The following HERC2 variants were observed in gnomAD, a reference collection of about 807,000 sequenced individuals.
The protein encoded by HERC2 is HECT and RLD domain containing E3 ubiquitin protein ligase 2.
Under a neutral mutation model 537.7 loss-of-function variants are expected in HERC2, and 102 were observed. The ratio of observed to expected loss-of-function variants is 0.19; its 90% CI spans 0.16 to 0.22. The LOEUF is 0.22. Among genes scored for constraint, HERC2 ranks in the 10% least tolerant of loss-of-function variants. The pLI, the probability that HERC2 is intolerant of heterozygous loss-of-function variation, is 1.00. For synonymous variants in HERC2, 2,224 were observed against 2,466.2 expected, an observed-to-expected ratio of 0.90 and a Z score of 2.91; for missense variants, 4,236 against 6,198.2, an observed-to-expected ratio of 0.68 and a Z score of 10.63.
chr15:28,320,269 C>T (rs2077195837), intron 2 of HERC2: 1 of 152,272 alleles, frequency 6.6e-6, no homozygotes. Flanking sequence ...CATACACCAC[C>T]ACGCCTGGCT....
chr15:28,240,645 A>G (rs1903006962), intron 23 of HERC2, among the ~76,000 whole-genome samples: 1 of 152,214 alleles, frequency 6.6e-6, no homozygotes, highest in Non-Finnish European at 1.5e-5. Flanking sequence ...AGCAGATTAA[A>G]CCCTAAGAAA....
At chr15:28,232,204 C>G (rs1901935940) in intron 30 of HERC2, among the ~76,000 whole-genome samples, 1 of 152,172 alleles carries the variant, frequency 6.6e-6, no homozygotes, top group East Asian at 1.9e-4. Context: ...GTAATCAATA[C>G]TGGTCAATAA....
At chr15:28,264,902 C>A (rs2075519793) in intron 14 of HERC2, among the ~76,000 whole-genome samples, 1 of 152,136 alleles carries the variant, frequency 6.6e-6, no homozygotes, top group Non-Finnish European at 1.5e-5. Context: ...CAAGGTCTGT[C>A]CCGTCAATGG....
chr15:28,196,707 C>T lies in HERC2; in HGVS notation c.8012-138G>A, dbSNP rs561380062. The T allele has an allele frequency of 1.9e-4, 113 of 595,406 alleles. No individual in the cohort carries two copies. The African/African-American group carries it at 2.0e-3, about 11-fold the overall frequency. 36.9% of individuals were successfully genotyped at this position (595,406 alleles called of 1,614,324 possible). On this transcript the variant is annotated intron_variant, in intron 50 of 92. Coordinates refer to ENST00000261609, the MANE Select transcript of HERC2 (RefSeq NM_004667.6). ...AGAGTCTACCTTTTAGAGATAGGTA[C>T]TAAAATGCTTATGGATGAACTAATA...
chr15:28,249,387 C>G (rs566256255), intron 20 of HERC2, among the ~76,000 whole-genome samples: 3 of 152,294 alleles, frequency 2.0e-5, no homozygotes, highest in East Asian at 3.9e-4. Context: ...AGTTCCAACA[C>G]TGTGATGTGA....
At chr15:28,121,467 A>G (rs1888878719) in intron 85 of HERC2, 38 bp from the exon 86 acceptor site, 2 of 1,478,556 alleles carry the variant, frequency 1.4e-6, no homozygotes, top group Non-Finnish European at 1.9e-6. Flanking sequence ...AGAATCTGAT[A>G]TGGAAAGCAT....
At chr15:28,167,963 C>T (rs1410398488) in intron 67 of HERC2, 136 bp from the exon 68 acceptor site, 10 of 975,280 alleles carry the variant, frequency 1.0e-5, no homozygotes, top group Admixed American at 9.0e-5. Flanking sequence ...ACAGAGGTAA[C>T]ATGGTGCCCA....
At chr15:28,168,308 C>T in intron 67 of HERC2, 99 bp downstream of exon 67, 1 of 1,215,440 alleles carries the variant, frequency 8.2e-7, no homozygotes, top group East Asian at 2.4e-5. Context: ...GCGGGAGGCA[C>T]AGAAACAGCC....
chr15:28,115,366 G>A (rs535613400), intron 89 of HERC2, 63 bp downstream of exon 89: 35 of 1,097,146 alleles, frequency 3.2e-5, no homozygotes, highest in East Asian at 1.1e-4. Flanking sequence ...GACCGGACCC[G>A]CAGAACAGAC....
chr15:28,186,805 C>CCTCTAACTG, intron 55 of HERC2, 53 bp from the exon 56 acceptor site: 1 of 1,338,994 alleles, frequency 7.5e-7, no homozygotes, highest in South Asian at 1.3e-5. Flanking sequence ...CATATTAGAT[C>CCTCTAACTG]CTCTAACTGG....
rs552464918 is a variant in HERC2, at chr15:28,214,160, A to G, written c.6471T>C (p.Thr2157=). 7 of 1,613,712 alleles carry G rather than the reference A, an allele frequency of 4.3e-6. No homozygotes were observed. The East Asian group carries it at 1.6e-4, about 36-fold the overall frequency. The part of the protein sequence containing the change: ...VALLRTLHSL[T]QWNGLINKYI... ...ACTTGTTGATGAGCCCATTCCACTG[A>G]GTCAGGGAGTGCAGCGTGCGCAGCA... Residue 2157 remains threonine (T), a synonymous_variant, in exon 41 of 93, where the codon ACT becomes ACC. Coordinates refer to ENST00000261609, the MANE Select transcript of HERC2 (RefSeq NM_004667.6).
intron 12 of HERC2, among the ~76,000 whole-genome samples, chr15:28,267,347 G>GT (rs1376992986): frequency 3.3e-5 from 5 of 152,120 alleles, no homozygotes; most frequent in African/African-American, 9.7e-5. Flanking sequence ...AGAATAAGGC[G>GT]TAAGTTACTC....
intron 19 of HERC2, among the ~76,000 whole-genome samples, chr15:28,255,112 G>A (rs2075214227): frequency 6.6e-6 from 1 of 152,134 alleles, no homozygotes; most frequent in Non-Finnish European, 1.5e-5. Context: ...AAGGTGGGGG[G>A]ATCACTGGAG....
chr15:28,123,858 G>A (rs1889188110), intron 85 of HERC2, among the ~76,000 whole-genome samples, 179 bp downstream of exon 85: 1 of 152,152 alleles, frequency 6.6e-6, no homozygotes, highest in Non-Finnish European at 1.5e-5. Context: ...ACAGATTTTT[G>A]TCTGTTTTCT....
chr15:28,143,740 C>A, intron 74 of HERC2, 133 bp downstream of exon 74: 1 of 1,166,262 alleles, frequency 8.6e-7, no homozygotes, highest in Non-Finnish European at 1.2e-6. Context: ...GCCACCGCGC[C>A]CGGTCCAAGG....
intron 68 of HERC2, among the ~76,000 whole-genome samples, chr15:28,163,626 T>C (rs946336528): frequency 2.0e-5 from 3 of 152,206 alleles, no homozygotes; most frequent in African/African-American, 7.2e-5. Flanking sequence ...GCATCCTGTA[T>C]AATCTACCCA....
At chr15:28,307,233 T>C (rs1403533428) in intron 2 of HERC2, among the ~76,000 whole-genome samples, 1 of 152,260 alleles carries the variant, frequency 6.6e-6, no homozygotes, top group African/African-American at 2.4e-5. Flanking sequence ...TCAGTTGTAA[T>C]GCCTACTTTT....
At position 28,124,139 on chromosome 15, in the gene HERC2, G is replaced by A; in HGVS notation, c.13086C>T (p.Pro4362=). ...LLHHLSELFC[P]CIPMFDLEGS... is the part of the protein sequence containing the mutation. The stretch of plus-strand genomic sequence containing the variant: ...CTTCCAGGTCGAACATGGGGATGCA[G>A]GGGCAGAAGAGCTCGGAGAGGTGGT... Residue 4362 remains proline, a synonymous_variant, in exon 85 of 93, where the codon CCC becomes CCT. Transcript: ENST00000261609. 1 of 1,600,240 alleles carries A rather than the reference G, an allele frequency of 6.2e-7. No homozygotes were observed. The highest frequency in any genetic ancestry group is 1.3e-5 in the African/African-American group (1 of 74,300).
In HERC2 at chr15:28,228,280, T is replaced by C. The variant is rs774628091; in HGVS notation, c.5402A>G (p.Asn1801Ser). ...SMLTLQHGAN[N>S]LDLLLNSGML... ...GCCGGAATTGAGCAGAAGGTCGAGG[T>C]TGTTTGCGCCGTGCTGCAGGGTGAG... is the stretch of plus-strand genomic sequence containing the variant. Residue 1801 changes from asparagine (N) to serine (S), a missense_variant, in exon 35 of 93, where the codon AAC (asparagine) becomes AGC (serine). Asn to Ser is a conservative substitution (Grantham distance 46, BLOSUM62 1). This residue lies in a region of HERC2 where 343 missense variants were observed against 417.2 expected (regional missense o/e 0.82). Coordinates refer to ENST00000261609, the MANE Select transcript of HERC2 (RefSeq NM_004667.6). 21 of 1,613,232 alleles carry C rather than the reference T, an allele frequency of 1.3e-5. No individual in the cohort carries two copies. In the South Asian group the frequency reaches 1.5e-4, roughly 12 times the overall value.
Sources: gnomAD v4.1 joint callset for allele counts (sites outside exome capture counted in the v4.1 genomes callset) on GRCh38, gnomAD v4.1.1 for gene constraint, gnomAD v4.1.1 regional missense constraint, MANE v1.5 for transcripts, NCBI Gene and HGNC (gene_info 2026-07-23, HGNC 2026-07-21) for gene names.